Variants in GLI2 observed in about 807,000 individuals in gnomAD.
The protein encoded by GLI2 is transcription activator GLI2.
GLI2 carries 22 observed loss-of-function variants against 78.9 expected under a neutral mutation model. The observed-to-expected ratio is 0.28, with a 90% CI of 0.20 to 0.40. The LOEUF (loss-of-function observed/expected upper bound fraction) is 0.40. GLI2 is among the 10% of genes least tolerant of loss of function. The pLI is 1.00. For synonymous variants in GLI2, 974 were observed against 963.7 expected, an observed-to-expected ratio of 1.01 and a Z score of -0.20; for missense variants, 2,097 against 2,213.2, an observed-to-expected ratio of 0.95 and a Z score of 1.05.
At chr2:120,900,961 T>G (rs1231043993) in intron 2 of GLI2, among the ~76,000 whole-genome samples, 1 of 152,228 alleles carries the variant, frequency 6.6e-6, no homozygotes, top group African/African-American at 2.4e-5. Context: ...AACAGAGCCC[T>G]CTTGGCTGGC....
chr2:120,819,239 ATTTTT>A (rs10701244), intron 2 of GLI2, among the ~76,000 whole-genome samples: 4 of 116,748 alleles, frequency 3.4e-5, no homozygotes, highest in African/African-American at 6.7e-5. Context: ...ACTAATAGAG[ATTTTT>A]TTTTTTTTTT....
chr2:120,923,622 AC>A (rs1219833768), intron 2 of GLI2, among the ~76,000 whole-genome samples: 1 of 152,042 alleles, frequency 6.6e-6, no homozygotes, highest in Non-Finnish European at 1.5e-5. Flanking sequence ...CAACACACAC[AC>A]CACATGCACA....
At chr2:120,740,923 C>T (rs1020368271) in intron 1 of GLI2, among the ~76,000 whole-genome samples, 4 of 152,200 alleles carry the variant, frequency 2.6e-5, no homozygotes, top group African/African-American at 9.6e-5. Flanking sequence ...AGGCCTGTGG[C>T]CTCCAGGCTG....
chr2:120,897,123 A>G (rs2104769354), intron 2 of GLI2, among the ~76,000 whole-genome samples: 1 of 152,286 alleles, frequency 6.6e-6, no homozygotes, highest in East Asian at 1.9e-4. Flanking sequence ...CACCACCCCC[A>G]CTGACACGCT....
At chr2:120,844,032 T>C (rs1453573697) in intron 2 of GLI2, among the ~76,000 whole-genome samples, 1 of 152,152 alleles carries the variant, frequency 6.6e-6, no homozygotes, top group Non-Finnish European at 1.5e-5. Context: ...ACTGGGCCTG[T>C]TTCCCACCTT....
intron 6 of GLI2, among the ~76,000 whole-genome samples, chr2:120,970,141 T>C (rs1303173419): frequency 2.0e-5 from 3 of 152,228 alleles, no homozygotes; most frequent in Middle Eastern, 6.8e-3. Flanking sequence ...TGGAGCCTGG[T>C]CCCTGCTGGG....
chr2:120,786,383 C>T (rs1683997973), intron 1 of GLI2, among the ~76,000 whole-genome samples: 1 of 152,184 alleles, frequency 6.6e-6, no homozygotes, highest in African/African-American at 2.4e-5. Context: ...GCCATCATCC[C>T]TGCTGTTTGG....
Position 120,988,266 on chromosome 2 carries a change from G to C in GLI2, c.2301G>C (p.Pro767=), listed in dbSNP as rs1178686104. 2 of 1,569,914 alleles carry C rather than the reference G, an allele frequency of 1.3e-6. No individual in the cohort carries two copies. The highest frequency in any genetic ancestry group is 1.7e-6 in the Non-Finnish European group (2 of 1,163,574). The change falls in exon 14 of 14, where the codon CCG becomes CCC. Residue 767 remains proline (P), a synonymous_variant. Transcript: ENST00000361492. ...SGGGGPAGLL[P]NPRLSELSAS... is the part of the protein sequence containing the mutation. ...GCGGCGGGCCCGCGGGGCTGCTGCC[G>C]AACCCGCGGCTGTCGGAGCTGTCCG...
intron 1 of GLI2, among the ~76,000 whole-genome samples, chr2:120,778,379 C>T (rs1477132244): frequency 5.3e-5 from 8 of 152,186 alleles, no homozygotes; most frequent in East Asian, 3.9e-4. Flanking sequence ...CTCCCATCGT[C>T]GCTCCTGATT....
At chr2:120,959,173 C>T (rs756068388) in intron 5 of GLI2, among the ~76,000 whole-genome samples, 13 of 152,146 alleles carry the variant, frequency 8.5e-5, no homozygotes, top group South Asian at 2.1e-4. Flanking sequence ...CAGCAGTGGG[C>T]GCGAGAGCTC....
At chr2:120,987,801 G>A (rs887321251) in intron 13 of GLI2, among the ~76,000 whole-genome samples, 2 of 152,242 alleles carry the variant, frequency 1.3e-5, no homozygotes, top group African/African-American at 4.8e-5. Flanking sequence ...GCCAGAGAAA[G>A]GAGAATTCAA....
chr2:120,974,474 G>T (rs542332888), intron 8 of GLI2, among the ~76,000 whole-genome samples: 81 of 152,304 alleles, frequency 5.3e-4, no homozygotes, highest in African/African-American at 1.5e-3. Flanking sequence ...AATGTCTCAG[G>T]GGTCTTTCCT....
chr2:120,912,467 G>T (rs1025752292), intron 2 of GLI2, among the ~76,000 whole-genome samples: 11 of 152,092 alleles, frequency 7.2e-5, no homozygotes, highest in Non-Finnish European at 1.6e-4. Flanking sequence ...ACGGATTCAT[G>T]GACTGGCCTC....
intron 2 of GLI2, among the ~76,000 whole-genome samples, chr2:120,808,452 G>A (rs1352910256): frequency 6.6e-6 from 1 of 152,224 alleles, no homozygotes; most frequent in East Asian, 1.9e-4. Context: ...CCAGGCTTCT[G>A]AGCACTGGAG....
chr2:120,758,754 T>C (rs1683115937), intron 1 of GLI2, among the ~76,000 whole-genome samples: 1 of 152,134 alleles, frequency 6.6e-6, no homozygotes, highest in South Asian at 2.1e-4. Flanking sequence ...GGGTGGGCCC[T>C]GGGGAGCCCA....
At chr2:120,907,878 C>T (rs527499221) in intron 2 of GLI2, among the ~76,000 whole-genome samples, 40 of 152,344 alleles carry the variant, frequency 2.6e-4, no homozygotes, top group Non-Finnish European at 5.3e-4. Context: ...GTGTGGTACA[C>T]TGAGTGCTTC....
At chr2:120,798,674 G>C (rs1684535152) in intron 2 of GLI2, among the ~76,000 whole-genome samples, 1 of 144,828 alleles carries the variant, frequency 6.9e-6, no homozygotes, top group Admixed American at 6.9e-5. Flanking sequence ...CCTTGGACGG[G>C]GACTCTCTAG....
intron 2 of GLI2, among the ~76,000 whole-genome samples, chr2:120,817,710 T>C (rs1239682763): frequency 6.6e-6 from 1 of 152,142 alleles, no homozygotes; most frequent in Non-Finnish European, 1.5e-5. Flanking sequence ...CAGCTCCAAC[T>C]GCTCATCCAC....
chr2:120,806,714 C>T (rs1179480103), intron 2 of GLI2, among the ~76,000 whole-genome samples: 1 of 152,164 alleles, frequency 6.6e-6, no homozygotes, highest in Non-Finnish European at 1.5e-5. Flanking sequence ...CATAGCTGAT[C>T]CAGGGTGCAG....
Sources: allele counts gnomAD v4.1 joint callset (sites outside exome capture counted in the v4.1 genomes callset), GRCh38; gene constraint gnomAD v4.1.1; transcripts MANE v1.5; gene names NCBI Gene and HGNC (gene_info 2026-07-23, HGNC 2026-07-21).